SLC29A4: variants seen among roughly 807,000 people sequenced by gnomAD.
The protein encoded by SLC29A4 is equilibrative nucleoside transporter 4.
In SLC29A4, 36 loss-of-function variants were observed where a neutral mutation model predicts 43.9. The observed-to-expected ratio is 0.82, with a 90% CI of 0.63 to 1.08. SLC29A4 has a LOEUF of 1.08. Among genes scored for constraint, SLC29A4 ranks in the 50% least tolerant of loss-of-function variants. The pLI is 0.00. For missense variants in SLC29A4, 869 were observed against 755.3 expected, an observed-to-expected ratio of 1.15 and a Z score of -1.77; for synonymous variants, 491 against 338.0, an observed-to-expected ratio of 1.45 and a Z score of -4.97.
In SLC29A4 at chr7:5,294,897, G is replaced by C. The variant is rs1368993479; in HGVS notation, c.582G>C (p.Leu194=). The change falls in exon 6 of 11, where the codon CTG becomes CTC. Residue 194 remains leucine, a synonymous_variant. Coordinates refer to ENST00000396872, the MANE Select transcript of SLC29A4 (RefSeq NM_153247.4). ...GCTTCTACGGGTACACGGGGATGCT[G>C]CCCAAGCGGTACACGCAGGGGGTGA... is the stretch of plus-strand genomic sequence containing the variant. The part of the protein sequence containing the change: ...QSSFYGYTGM[L]PKRYTQGVMT... 2 of 1,611,458 alleles carry C rather than the reference G, an allele frequency of 1.2e-6. No homozygotes were observed. The highest frequency in any genetic ancestry group is 2.2e-5 in the East Asian group (1 of 44,730).
At position 5,306,021 on chromosome 7, in the gene SLC29A4, G is replaced by C. The variant is rs1208122741; in HGVS notation, c.*3082G>C. ...TCCACCACACCCGGCTAATTTTTTTGTATTTTTAGTAGAGATGGGGTTTCA... is the reference window on the plus strand; with the variant it reads ...TCCACCACACCCGGCTAATTTTTTTCTATTTTTAGTAGAGATGGGGTTTCA... On this transcript the variant is annotated 3_prime_UTR_variant, in exon 11 of 11. Transcript: ENST00000396872. The C allele has an allele frequency of 6.7e-6, 1 of 149,418 alleles. No homozygotes were observed. The highest frequency in any genetic ancestry group is 1.5e-5 in the Non-Finnish European group (1 of 67,406). The allele number at this position is 149,418 out of a possible 1,614,324, so 9.3% of individuals were successfully genotyped here.
intron 1 of SLC29A4, among the ~76,000 whole-genome samples, chr7:5,285,690 G>A (rs1784901160): frequency 6.6e-6 from 1 of 152,212 alleles, no homozygotes; most frequent in African/African-American, 2.4e-5. Context: ...ACAAGAGCAG[G>A]CAGAGGTGAC....
chr7:5,295,348 A>C (rs981801251), intron 6 of SLC29A4, among the ~76,000 whole-genome samples: 1 of 152,084 alleles, frequency 6.6e-6, no homozygotes, highest in African/African-American at 2.4e-5. Flanking sequence ...ACGGACACAC[A>C]AGCCACCCCC....
intron 6 of SLC29A4, 89 bp from the exon 7 acceptor site, chr7:5,296,847 G>A: frequency 7.2e-7 from 1 of 1,384,284 alleles, no homozygotes; most frequent in South Asian, 1.5e-5. Context: ...CGGTGGGGAG[G>A]GGTCTGTGTG....
chr7:5,284,038 C>A (rs913971139), intron 1 of SLC29A4, among the ~76,000 whole-genome samples: 20 of 108,560 alleles, frequency 1.8e-4, no homozygotes, highest in South Asian at 4.1e-4. Context: ...CACGACCCCC[C>A]CCCCCACCCC....
Position 5,287,793 on chromosome 7 carries a change from G to A in SLC29A4, c.-8-16G>A. ...CCTTCTTCCCTCACCTGCTCTCTCT[G>A]CTTTCTCCAAAGCAGAGGCTGCCAT... On this transcript the variant is annotated splice_polypyrimidine_tract_variant and intron_variant, in intron 1 of 10. Coordinates refer to ENST00000396872, the MANE Select transcript of SLC29A4 (RefSeq NM_153247.4). 1 of 1,607,170 alleles carries A rather than the reference G, an allele frequency of 6.2e-7. No homozygotes were observed. The highest frequency in any genetic ancestry group is 8.5e-7 in the Non-Finnish European group (1 of 1,178,604).
At chr7:5,291,448 C>T (rs1287516237) in intron 4 of SLC29A4, among the ~76,000 whole-genome samples, 4 of 152,250 alleles carry the variant, frequency 2.6e-5, no homozygotes, top group African/African-American at 4.8e-5. Context: ...CTCTTCCCCA[C>T]GTCCAGTGTG....
rs1359077930 is a variant in SLC29A4, at chr7:5,287,754, C to T, written c.-8-55C>T. ...AAGCTTTATGGGTCAGTGCATGAGC[C>T]ATGGATCCCTCAGCCTTCTTCCCTC... On this transcript the variant is annotated intron_variant, in intron 1 of 10. Transcript: ENST00000396872. 8.3e-6 allele frequency: 13 copies of T among 1,560,464 alleles called. No individual in the cohort carries two copies. The Admixed American group carries it at 2.1e-4, about 25-fold the overall frequency.
chr7:5,299,203 T>G (rs759601593), intron 8 of SLC29A4, 37 bp from the exon 9 acceptor site: 1 of 1,599,902 alleles, frequency 6.3e-7, no homozygotes, highest in South Asian at 1.1e-5. Context: ...GGGGTCCCCG[T>G]GGGCGCTGCC....
rs553444247 is a variant in SLC29A4 at position 5,297,577 on chromosome 7, C to T, written c.882+379C>T. On this transcript the variant is annotated intron_variant, in intron 7 of 10. Transcript: ENST00000396872. ...CTGAGGGTCTCAGCCCTCCTGGCTG[C>T]GCCAACCCACGTTGGAGAGTCCTCC... Among the ~76,000 whole-genome samples, 98 of 152,334 alleles carry T rather than the reference C, an allele frequency of 6.4e-4. 2 individuals carry two copies. Among genetic ancestry groups the T allele is most frequent in the African/African-American group, 2.1e-3 (88 of 41,594 alleles).
Position 5,288,092 on chromosome 7 carries a change from G to A in SLC29A4, c.169+107G>A, listed in dbSNP as rs1033870031. 1.2e-5 allele frequency: 17 copies of A among 1,387,590 alleles called. No homozygotes were observed. The African/African-American group carries it at 2.5e-4, about 20-fold the overall frequency. The allele number at this position is 1,387,590 out of a possible 1,614,324, so 86.0% of individuals were successfully genotyped here. ...CGGGGAGCCATGGGTGGTCATGGAG[G>A]ACTGGAGGCAGTGCCTGTCAGTGTG... On this transcript the variant is annotated intron_variant, in intron 2 of 10. Transcript: ENST00000396872.
chr7:5,299,021 T>C lies in SLC29A4; in HGVS notation c.916T>C (p.Ser306Pro). 6.2e-7 allele frequency: 1 copy of C among 1,611,138 alleles called. No individual in the cohort carries two copies. The highest frequency in any genetic ancestry group is 8.5e-7 in the Non-Finnish European group (1 of 1,179,716). Residue 306 changes from serine to proline, a missense_variant, in exon 8 of 11, where the codon TCC (serine) becomes CCC (proline). Transcript: ENST00000396872. ...AGCCCCGGCCCTGGCCCCCAACGAG[T>C]CCCCAAAGGACAGCCCAGCCCACGA... ...HPAPALAPNE[S>P]PKDSPAHEVT... is the part of the protein sequence containing the mutation.
At chr7:5,286,454 C>T (rs1287054335) in intron 1 of SLC29A4, among the ~76,000 whole-genome samples, 6 of 150,588 alleles carry the variant, frequency 4.0e-5, no homozygotes, top group Non-Finnish European at 7.4e-5. Context: ...ACCCAGGAGA[C>T]GGAGGTTGCA....
Position 5,305,588 on chromosome 7 carries a change from G to A in SLC29A4, c.*2649G>A, listed in dbSNP as rs1269702950. On this transcript the variant is annotated 3_prime_UTR_variant, in exon 11 of 11. Coordinates refer to ENST00000396872, the MANE Select transcript of SLC29A4 (RefSeq NM_153247.4). The stretch of plus-strand genomic sequence containing the variant: ...TTTTTTTTTTTTTTGGAGGAGTTTC[G>A]CTTTTGTTGCCCAGGCTGGAGTGCA... 57 of 111,870 alleles carry A rather than the reference G, an allele frequency of 5.1e-4. 1 individual carries two copies. The highest frequency in any genetic ancestry group is 1.7e-3 in the African/African-American group (51 of 30,716). 6.9% of individuals were successfully genotyped at this position (111,870 alleles called of 1,614,324 possible).
At chr7:5,289,033 C>T (rs1388373113) in intron 2 of SLC29A4, among the ~76,000 whole-genome samples, 2 of 152,164 alleles carry the variant, frequency 1.3e-5, no homozygotes, top group Non-Finnish European at 2.9e-5. Flanking sequence ...CCCTGGCACT[C>T]AGGAGGCACC....
At chr7:5,289,464 T>C (rs1281933238) in intron 2 of SLC29A4, among the ~76,000 whole-genome samples, 1 of 151,908 alleles carries the variant, frequency 6.6e-6, no homozygotes, top group East Asian at 1.9e-4. Context: ...GTCAGGAAGG[T>C]CATGGACAGT....
intron 2 of SLC29A4, among the ~76,000 whole-genome samples, chr7:5,289,323 G>A (rs191881510): frequency 0.01 from 1,527 of 152,302 alleles, 9 homozygotes; most frequent in Non-Finnish European, 0.014. Context: ...CTTGAGCCCA[G>A]GAGGGGGTGG....
intron 2 of SLC29A4, 87 bp from the exon 3 acceptor site, chr7:5,290,645 G>A (rs1785243368): frequency 6.6e-7 from 1 of 1,516,640 alleles, no homozygotes; most frequent in Non-Finnish European, 8.9e-7. Flanking sequence ...TATGGTGATG[G>A]CGGCCGGGGT....
At chr7:5,299,207 C>T (rs764072801) in intron 8 of SLC29A4, 33 bp from the exon 9 acceptor site, 12 of 1,600,296 alleles carry the variant, frequency 7.5e-6, no homozygotes, top group African/African-American at 4.0e-5. Flanking sequence ...TCCCCGTGGG[C>T]GCTGCCTCTG....
Sources: gnomAD v4.1 joint callset for allele counts (sites outside exome capture counted in the v4.1 genomes callset) on GRCh38, gnomAD v4.1.1 for gene constraint, MANE v1.5 for transcripts, NCBI Gene and HGNC (gene_info 2026-07-23, HGNC 2026-07-21) for gene names.